Variants in OPCML observed in about 807,000 individuals in gnomAD.
The protein encoded by OPCML is opioid binding protein/cell adhesion molecule like.
In OPCML, 13 loss-of-function variants were observed where a neutral mutation model predicts 37.8. That is an observed-to-expected ratio of 0.34 (90% confidence interval 0.22 to 0.55). OPCML has a LOEUF of 0.55. OPCML is among the 20% of genes least tolerant of loss of function. The pLI is 0.91. For missense variants in OPCML, 341 were observed against 435.6 expected (o/e 0.78, Z 1.93); for synonymous variants, 176 against 168.8 (o/e 1.04, Z -0.33).
chr11:132,697,854 C>G (rs892377510), intron 2 of OPCML, among the ~76,000 whole-genome samples: 1 of 152,022 alleles, frequency 6.6e-6, no homozygotes, highest in Admixed American at 6.6e-5. Context: ...CAGCCTTGTC[C>G]TCCGGGGCTC....
At chr11:133,391,198 T>A (rs761157857) in intron 1 of OPCML, among the ~76,000 whole-genome samples, 1 of 152,194 alleles carries the variant, frequency 6.6e-6, no homozygotes, top group African/African-American at 2.4e-5. Context: ...TGAGCATCCA[T>A]GGACAGGCAG....
chr11:133,291,395 A>T (rs1206119068), intron 1 of OPCML, among the ~76,000 whole-genome samples: 1 of 150,902 alleles, frequency 6.6e-6, no homozygotes, highest in Non-Finnish European at 1.5e-5. Context: ...CTGCACCAGC[A>T]TCCAGCCATG....
At chr11:133,394,212 A>T (rs558478041) in intron 1 of OPCML, among the ~76,000 whole-genome samples, 1 of 152,332 alleles carries the variant, frequency 6.6e-6, no homozygotes, top group East Asian at 1.9e-4. Context: ...ATAGTTGCCA[A>T]ATTATGTTAA....
chr11:132,896,170 G>C (rs943865908), intron 2 of OPCML, among the ~76,000 whole-genome samples: 37 of 152,094 alleles, frequency 2.4e-4, no homozygotes, highest in African/African-American at 8.5e-4. Context: ...ATCTCCCTTG[G>C]GCTAACACAG....
chr11:133,076,715 T>G (rs1236662763), intron 1 of OPCML, among the ~76,000 whole-genome samples: 5 of 151,540 alleles, frequency 3.3e-5, no homozygotes, highest in African/African-American at 1.2e-4. Flanking sequence ...ATTGTCATCA[T>G]CATCATCATC....
At chr11:133,232,054 C>A (rs186737651) in intron 1 of OPCML, among the ~76,000 whole-genome samples, 2 of 152,308 alleles carry the variant, frequency 1.3e-5, no homozygotes, top group East Asian at 1.9e-4. Context: ...GAAACAAATT[C>A]ACTGAAGGCT....
intron 2 of OPCML, among the ~76,000 whole-genome samples, chr11:132,867,324 C>A (rs1008645767): frequency 6.6e-6 from 1 of 152,176 alleles, no homozygotes; most frequent in Non-Finnish European, 1.5e-5. Flanking sequence ...GACTCAGCAT[C>A]TCAGGCACTA....
intron 2 of OPCML, among the ~76,000 whole-genome samples, chr11:132,880,288 C>T (rs928623298): frequency 1.3e-5 from 2 of 152,196 alleles, no homozygotes; most frequent in Non-Finnish European, 2.9e-5. Context: ...CAAACCACCA[C>T]GGCTCTCTTG....
intron 2 of OPCML, among the ~76,000 whole-genome samples, chr11:132,813,936 T>C (rs1025250434): frequency 4.6e-5 from 7 of 152,228 alleles, no homozygotes; most frequent in African/African-American, 1.4e-4. Flanking sequence ...TTACATGCAC[T>C]AATAACACCT....
intron 4 of OPCML, among the ~76,000 whole-genome samples, chr11:132,511,900 T>C (rs1320580496): frequency 6.6e-6 from 1 of 152,110 alleles, no homozygotes; most frequent in African/African-American, 2.4e-5. Context: ...CTTTACAAGA[T>C]TCCTTTAGAA....
At chr11:132,851,458 G>A (rs888215880) in intron 2 of OPCML, among the ~76,000 whole-genome samples, 1 of 152,126 alleles carries the variant, frequency 6.6e-6, no homozygotes, top group Non-Finnish European at 1.5e-5. Context: ...CAGTGTGGAC[G>A]AACAGCTTCC....
chr11:133,102,167 A>C (rs1949093170), intron 1 of OPCML, among the ~76,000 whole-genome samples: 1 of 152,218 alleles, frequency 6.6e-6, no homozygotes, highest in Admixed American at 6.5e-5. Context: ...TAGAATATAC[A>C]ACATCAAAAG....
intron 2 of OPCML, among the ~76,000 whole-genome samples, chr11:132,712,303 C>G (rs1176812460): frequency 6.6e-6 from 1 of 151,920 alleles, no homozygotes; most frequent in African/African-American, 2.4e-5. Context: ...TGCCCCCACC[C>G]TCCCCCACAT....
At chr11:133,310,497 T>A (rs1425189323) in intron 1 of OPCML, among the ~76,000 whole-genome samples, 1 of 152,144 alleles carries the variant, frequency 6.6e-6, no homozygotes, top group African/African-American at 2.4e-5. Context: ...TAAGGTCAGG[T>A]GATATATATT....
Position 132,921,675 on chromosome 11 carries a change from C to G in OPCML, c.146+21251G>C, listed in dbSNP as rs116707015. On this transcript the variant is annotated intron_variant, in intron 2 of 7. Transcript: ENST00000524381. The stretch of plus-strand genomic sequence containing the variant: ...AGGGAACCCTGCTCAGAGAGAAATT[C>G]TGGAGAAATTTTTTTATAAGACACC... Among the ~76,000 whole-genome samples, 1,054 of 152,264 alleles carry G rather than the reference C, an allele frequency of 6.9e-3. 14 individuals are homozygous for G. Among genetic ancestry groups the G allele is most frequent in the African/African-American group, 0.024 (999 of 41,558 alleles).
intron 1 of OPCML, among the ~76,000 whole-genome samples, chr11:133,157,904 C>A (rs913740052): frequency 2.0e-5 from 3 of 152,190 alleles, no homozygotes; most frequent in Admixed American, 6.5e-5. Flanking sequence ...ACATATCATT[C>A]TGCTTGCCCC....
intron 1 of OPCML, among the ~76,000 whole-genome samples, chr11:133,138,376 C>T (rs1232854238): frequency 6.6e-6 from 1 of 152,180 alleles, no homozygotes; most frequent in South Asian, 2.1e-4. Context: ...CGGATTAAGA[C>T]AAGGGGTACC....
intron 2 of OPCML, among the ~76,000 whole-genome samples, chr11:132,910,748 A>G (rs1944401949): frequency 6.6e-6 from 1 of 152,194 alleles, no homozygotes; most frequent in Non-Finnish European, 1.5e-5. Flanking sequence ...GATAAAGCTC[A>G]TTTTCATGAT....
At chr11:133,143,468 G>C (rs1949854403) in intron 1 of OPCML, among the ~76,000 whole-genome samples, 1 of 152,216 alleles carries the variant, frequency 6.6e-6, no homozygotes, top group Admixed American at 6.5e-5. Flanking sequence ...CTGGGTCCCA[G>C]AATGCATGCA....
Sources: gnomAD v4.1 joint callset for allele counts (sites outside exome capture counted in the v4.1 genomes callset) on GRCh38, gnomAD v4.1.1 for gene constraint, MANE v1.5 for transcripts, NCBI Gene and HGNC (gene_info 2026-07-23, HGNC 2026-07-21) for gene names.